Variants in LRRTM4 observed in about 807,000 individuals in gnomAD.
LRRTM4 encodes leucine-rich repeat transmembrane neuronal protein 4.
Under a neutral mutation model 47.6 loss-of-function variants are expected in LRRTM4, and 25 were observed. That is an observed-to-expected ratio of 0.53 (90% CI 0.38 to 0.73). The LOEUF is 0.73. Among genes scored for constraint, LRRTM4 ranks in the 30% least tolerant of loss-of-function variants. The probability of loss-of-function intolerance (pLI) is 0.00; values close to 1 mark genes in which losing one functional copy is unlikely to be tolerated. For synonymous variants in LRRTM4, 311 were observed against 269.5 expected, an observed-to-expected ratio of 1.15 and a Z score of -1.51; for missense variants, 638 against 713.4, an observed-to-expected ratio of 0.89 and a Z score of 1.20.
At chr2:77,071,583 G>T (rs1680156897) in intron 3 of LRRTM4, among the ~76,000 whole-genome samples, 1 of 152,060 alleles carries the variant, frequency 6.6e-6, no homozygotes, top group Non-Finnish European at 1.5e-5. Flanking sequence ...AGAATAGAAA[G>T]AAAAGAGAAA....
At position 76,873,506 on chromosome 2, in the gene LRRTM4, G is replaced by GTATATATATATATATATA. The variant is rs58469429; in HGVS notation, c.1552-124608_1552-124591dup. On this transcript the variant is annotated intron_variant, in intron 3 of 3. Coordinates refer to ENST00000409884, the MANE Select transcript of LRRTM4 (RefSeq NM_001134745.3). ...TATGTGTGTGTGTATATATATGTGT[G>GTATATATATATATATATA]TATATATATATATATATATATATAT... 4.9e-4 allele frequency among the ~76,000 whole-genome samples: 55 copies of GTATATATATATATATATA among 112,302 alleles called. 1 individual carries two copies. The highest frequency in any genetic ancestry group is 2.0e-3 in the East Asian group (8 of 3,970). The allele number at this position is 112,302 out of a possible 152,430, so 73.7% of individuals were successfully genotyped here. A position where few individuals can be genotyped will look rare whatever the true frequency, so the allele number is the denominator to read the frequency against.
intron 3 of LRRTM4, among the ~76,000 whole-genome samples, chr2:77,431,396 C>T (rs774320815): frequency 4.0e-5 from 6 of 148,654 alleles, no homozygotes; most frequent in Non-Finnish European, 7.4e-5. Flanking sequence ...GATCACATCC[C>T]ACAAAACTCA....
intron 3 of LRRTM4, among the ~76,000 whole-genome samples, chr2:77,460,300 T>A (rs925676693): frequency 6.6e-6 from 1 of 152,164 alleles, no homozygotes; most frequent in Non-Finnish European, 1.5e-5. Context: ...CATTTTATTA[T>A]GTGTAGTGGG....
At chr2:76,866,376 T>C (rs1271003924) in intron 3 of LRRTM4, among the ~76,000 whole-genome samples, 1 of 152,236 alleles carries the variant, frequency 6.6e-6, no homozygotes, top group Non-Finnish European at 1.5e-5. Context: ...CTCAGGGTTT[T>C]CATCAGCTCT....
chr2:77,031,040 ATTTTCTTAT>A (rs1047126305), intron 3 of LRRTM4, among the ~76,000 whole-genome samples: 2 of 152,114 alleles, frequency 1.3e-5, no homozygotes, highest in African/African-American at 4.8e-5. Context: ...TGTAAATATT[ATTTTCTTAT>A]ATTTTAAATG....
intron 3 of LRRTM4, among the ~76,000 whole-genome samples, chr2:77,218,118 C>T (rs1674510934): frequency 6.6e-6 from 1 of 152,180 alleles, no homozygotes; most frequent in Non-Finnish European, 1.5e-5. Context: ...CCTCAGCCTC[C>T]CCAGTAGCTG....
In LRRTM4 at chr2:77,237,167, ATTT is replaced by A. The variant is rs34136416; in HGVS notation, c.1551+281148_1551+281150del. 3.7e-4 allele frequency among the ~76,000 whole-genome samples: 52 copies of A among 141,206 alleles called. 1 individual carries two copies. In the East Asian group the frequency reaches 5.2e-3, roughly 14 times the overall value. 92.6% of individuals were successfully genotyped at this position (141,206 alleles called of 152,430 possible). ...GGCTGTGAATTCATCTTGTTGGGGG[ATTT>A]TTTTTTTTTTTGGTTGCTAGGTTTT... On this transcript the variant is annotated intron_variant, in intron 3 of 3. Transcript: ENST00000409884.
chr2:77,336,165 A>T (rs1364272975), intron 3 of LRRTM4, among the ~76,000 whole-genome samples: 1 of 149,616 alleles, frequency 6.7e-6, no homozygotes, highest in Non-Finnish European at 1.5e-5. Flanking sequence ...GGGAGAAAGA[A>T]AGGAAGGAAG....
intron 3 of LRRTM4, among the ~76,000 whole-genome samples, chr2:76,807,922 T>TCTTTC (rs759734277): frequency 2.5e-5 from 3 of 119,514 alleles, no homozygotes; most frequent in Non-Finnish European, 3.9e-5. Flanking sequence ...TTCTTTCCTT[T>TCTTTC]CTTTCCTTTC....
At chr2:77,381,038 A>G (rs1006758617) in intron 3 of LRRTM4, among the ~76,000 whole-genome samples, 18 of 152,078 alleles carry the variant, frequency 1.2e-4, no homozygotes, top group Admixed American at 6.6e-5. Context: ...GAGTAATTCT[A>G]ATTTTTCTTT....
At chr2:76,833,940 A>G (rs998296366) in intron 3 of LRRTM4, among the ~76,000 whole-genome samples, 15 of 151,590 alleles carry the variant, frequency 9.9e-5, no homozygotes, top group South Asian at 2.1e-4. Flanking sequence ...CATATAAGCA[A>G]TTTTTAAAAA....
chr2:76,932,678 GTATATATATGACATGT>G (rs1674810935), intron 3 of LRRTM4, among the ~76,000 whole-genome samples: 1 of 151,296 alleles, frequency 6.6e-6, no homozygotes, highest in Non-Finnish European at 1.5e-5. Flanking sequence ...CTAAATATTT[GTATATATATGACATGT>G]TATATATATG....
At chr2:77,308,039 T>C (rs1677338321) in intron 3 of LRRTM4, among the ~76,000 whole-genome samples, 1 of 141,688 alleles carries the variant, frequency 7.1e-6, no homozygotes, top group Non-Finnish European at 1.5e-5. Flanking sequence ...TATCTATATA[T>C]CTATATAACA....
chr2:77,452,065 A>G (rs1676274687), intron 3 of LRRTM4, among the ~76,000 whole-genome samples: 1 of 151,954 alleles, frequency 6.6e-6, no homozygotes. Context: ...GCTTCTCCTT[A>G]TAGACCACTG....
At chr2:77,065,720 G>A (rs1341201468) in intron 3 of LRRTM4, among the ~76,000 whole-genome samples, 2 of 152,136 alleles carry the variant, frequency 1.3e-5, no homozygotes, top group Admixed American at 1.3e-4. Context: ...TGAATTCCTG[G>A]TCCAAGCCAG....
At chr2:76,956,190 G>C (rs1487606902) in intron 3 of LRRTM4, among the ~76,000 whole-genome samples, 1 of 151,734 alleles carries the variant, frequency 6.6e-6, no homozygotes, top group Non-Finnish European at 1.5e-5. Context: ...AAGATCACTT[G>C]TTAGGTCATA....
chr2:76,887,486 A>G (rs2104136680), intron 3 of LRRTM4, among the ~76,000 whole-genome samples: 1 of 149,108 alleles, frequency 6.7e-6, no homozygotes, highest in Non-Finnish European at 1.5e-5. Context: ...TAGTGCCTTT[A>G]TTTTATATTT....
At chr2:77,118,166 G>A (rs73940355) in intron 3 of LRRTM4, among the ~76,000 whole-genome samples, 1 of 151,632 alleles carries the variant, frequency 6.6e-6, no homozygotes, top group South Asian at 2.1e-4. Context: ...CTAGAAATTG[G>A]TAGATTTTTT....
intron 3 of LRRTM4, among the ~76,000 whole-genome samples, chr2:76,973,120 T>A (rs1676279030): frequency 6.6e-6 from 1 of 151,346 alleles, no homozygotes; most frequent in South Asian, 2.1e-4. Flanking sequence ...ATAAATTAAT[T>A]TTTTCGTAAA....
Sources: gnomAD v4.1 joint callset for allele counts (sites outside exome capture counted in the v4.1 genomes callset) on GRCh38, gnomAD v4.1.1 for gene constraint, MANE v1.5 for transcripts, NCBI Gene and HGNC (gene_info 2026-07-23, HGNC 2026-07-21) for gene names.